PDE3B: variants seen among roughly 807,000 people sequenced by gnomAD.
PDE3B encodes phosphodiesterase 3B, also known as cGMP-inhibited 3',5'-cyclic phosphodiesterase 3B.
In PDE3B, 66 loss-of-function variants were observed where a neutral mutation model predicts 116.8. That is an observed-to-expected ratio of 0.56 (90% CI 0.46 to 0.69). The LOEUF is 0.69. Ranked by LOEUF, PDE3B falls within the 30% of genes least tolerant of loss-of-function variation. The pLI is 0.00. For synonymous variants in PDE3B, 595 were observed against 533.6 expected (o/e 1.12, Z -1.59); for missense variants, 1,384 against 1,368.1 (o/e 1.01, Z -0.18).
Position 14,738,301 on chromosome 11 carries a change from G to C in PDE3B, c.979-33636G>C, listed in dbSNP as rs1439329812. Among the ~76,000 whole-genome samples, 6 of 152,148 alleles carry C rather than the reference G, an allele frequency of 3.9e-5. 1 individual carries two copies. Among genetic ancestry groups the C allele is most frequent in the Admixed American group, 3.9e-4 (6 of 15,262 alleles). On this transcript the variant is annotated intron_variant, in intron 1 of 15. Coordinates refer to ENST00000282096, the MANE Select transcript of PDE3B (RefSeq NM_000922.4). Reference sequence around the variant, plus strand: ...ATCTGTTGTTTCCTGACTTTTTAGTGATCGCCATTCTAACTGGCGTGAGAT... The same window carrying C: ...ATCTGTTGTTTCCTGACTTTTTAGTCATCGCCATTCTAACTGGCGTGAGAT...
chr11:14,739,721 A>G (rs547673194), intron 1 of PDE3B, among the ~76,000 whole-genome samples: 3 of 152,296 alleles, frequency 2.0e-5, no homozygotes, highest in South Asian at 2.1e-4. Flanking sequence ...CCCATTCAGT[A>G]TGATATTGGC....
At chr11:14,892,355 G>T in the PDE3B span, 1 of 722,398 alleles carries the variant, frequency 1.4e-6, no homozygotes, top group South Asian at 1.8e-5. Context: ...GGCCCCTTCG[G>T]GACAACTACC....
At chr11:14,681,115 A>G (rs377633713) in intron 1 of PDE3B, among the ~76,000 whole-genome samples, 1 of 152,122 alleles carries the variant, frequency 6.6e-6, no homozygotes, top group African/African-American at 2.4e-5. Context: ...TTGACTTAAT[A>G]TTTTCAAACC....
At chr11:14,675,710 A>G (rs1232840353) in intron 1 of PDE3B, among the ~76,000 whole-genome samples, 2 of 152,180 alleles carry the variant, frequency 1.3e-5, no homozygotes, top group Non-Finnish European at 2.9e-5. Flanking sequence ...TATTCAATGA[A>G]TATGTTCCCT....
chr11:14,863,983 A>C (rs971405812), intron 14 of PDE3B, among the ~76,000 whole-genome samples: 2 of 152,266 alleles, frequency 1.3e-5, no homozygotes, highest in African/African-American at 4.8e-5. Flanking sequence ...AATGGGCTAA[A>C]TGCCCCAATT....
At chr11:14,678,908 C>T (rs1854610580) in intron 1 of PDE3B, among the ~76,000 whole-genome samples, 1 of 151,942 alleles carries the variant, frequency 6.6e-6, no homozygotes, top group South Asian at 2.1e-4. Flanking sequence ...ACCTTAAGAC[C>T]TGTGATGCAT....
intron 12 of PDE3B, among the ~76,000 whole-genome samples, chr11:14,851,451 G>T (rs566859279): frequency 6.6e-6 from 1 of 151,786 alleles, no homozygotes; most frequent in East Asian, 1.9e-4. Context: ...GTGTGTTGGG[G>T]TCGGGGGAAG....
At chr11:14,662,134 A>G (rs1010763266) in intron 1 of PDE3B, among the ~76,000 whole-genome samples, 1 of 152,186 alleles carries the variant, frequency 6.6e-6, no homozygotes, top group African/African-American at 2.4e-5. Flanking sequence ...ATCAGACAGC[A>G]ACATTCACGG....
the PDE3B span, among the ~76,000 whole-genome samples, chr11:14,894,520 TA>T: frequency 6.6e-6 from 1 of 152,204 alleles, no homozygotes; most frequent in African/African-American, 2.4e-5. Flanking sequence ...TAATTTTCAT[TA>T]CAAAAATATC....
intron 1 of PDE3B, among the ~76,000 whole-genome samples, chr11:14,770,609 A>G (rs1028674099): frequency 6.6e-6 from 1 of 151,588 alleles, no homozygotes; most frequent in Non-Finnish European, 1.5e-5. Flanking sequence ...TTAGGACCAT[A>G]TAAAATACTG....
chr11:14,787,666 T>C (rs1858253817), intron 3 of PDE3B, among the ~76,000 whole-genome samples: 1 of 151,920 alleles, frequency 6.6e-6, no homozygotes, highest in African/African-American at 2.4e-5. Context: ...TTAAAGTTTA[T>C]GCAGTAGCAC....
intron 10 of PDE3B, among the ~76,000 whole-genome samples, chr11:14,834,165 A>G (rs1207394398): frequency 1.3e-5 from 2 of 152,202 alleles, no homozygotes; most frequent in East Asian, 1.9e-4. Flanking sequence ...TGTCATATCT[A>G]TAGGCAAAAC....
chr11:14,837,504 TCTGTTACTGTGTAACACGGATTCC>T (rs1448964231), intron 11 of PDE3B, among the ~76,000 whole-genome samples: 1 of 152,260 alleles, frequency 6.6e-6, no homozygotes, highest in African/African-American at 2.4e-5. Flanking sequence ...AGCCAAATTT[TCTGTTACTGTGTAACACGGATTCC>T]CTTGCCTCTA....
the PDE3B span, among the ~76,000 whole-genome samples, chr11:14,896,596 G>A: frequency 6.6e-6 from 1 of 152,212 alleles, no homozygotes; most frequent in Non-Finnish European, 1.5e-5. Flanking sequence ...CATAGGAAAT[G>A]TGATCAGTCT....
At chr11:14,702,368 C>G (rs901196566) in intron 1 of PDE3B, among the ~76,000 whole-genome samples, 1 of 151,714 alleles carries the variant, frequency 6.6e-6, no homozygotes, top group African/African-American at 2.4e-5. Context: ...CTTTGCTTTT[C>G]TGTTGCAAGC....
intron 1 of PDE3B, among the ~76,000 whole-genome samples, chr11:14,667,355 A>T (rs1222251629): frequency 2.0e-5 from 3 of 151,704 alleles, no homozygotes; most frequent in African/African-American, 7.3e-5. Context: ...TAATGAGTGC[A>T]GCACACCAGC....
chr11:14,751,007 A>G (rs1379649845), intron 1 of PDE3B, among the ~76,000 whole-genome samples: 1 of 152,182 alleles, frequency 6.6e-6, no homozygotes, highest in African/African-American at 2.4e-5. Context: ...TTACAAATAC[A>G]ATAGGCATGT....
intron 1 of PDE3B, among the ~76,000 whole-genome samples, chr11:14,759,319 G>GA (rs1857287036): frequency 6.6e-6 from 1 of 151,998 alleles, no homozygotes; most frequent in Non-Finnish European, 1.5e-5. Context: ...TTTTTCTATT[G>GA]ACTGGAATAG....
At chr11:14,760,404 G>A (rs1463968292) in intron 1 of PDE3B, among the ~76,000 whole-genome samples, 2 of 152,124 alleles carry the variant, frequency 1.3e-5, no homozygotes, top group Non-Finnish European at 2.9e-5. Context: ...TATAATCAAA[G>A]TAGGAACAAA....
Sources: gnomAD v4.1 joint callset for allele counts (sites outside exome capture counted in the v4.1 genomes callset) on GRCh38, gnomAD v4.1.1 for gene constraint, MANE v1.5 for transcripts, NCBI Gene and HGNC (gene_info 2026-07-23, HGNC 2026-07-21) for gene names.